The following RYR2 variants were observed in gnomAD, a reference collection of about 807,000 sequenced individuals.
RYR2 encodes the protein ryanodine receptor 2.
Under a neutral mutation model 601.1 loss-of-function variants are expected in RYR2, and 227 were observed. The ratio of observed to expected loss-of-function variants is 0.38; its 90% CI spans 0.34 to 0.42. RYR2 has a LOEUF of 0.42. Ranked by LOEUF, RYR2 falls within the 10% of genes least tolerant of loss-of-function variation. The pLI, the probability that RYR2 is intolerant of heterozygous loss-of-function variation, is 1.00. For synonymous variants in RYR2, 2,223 were observed against 2,175.1 expected, an observed-to-expected ratio of 1.02 and a Z score of -0.61; for missense variants, 4,646 against 6,156.5, an observed-to-expected ratio of 0.75 and a Z score of 8.21.
At chr1:237,527,981 C>CT (rs1345550647) in intron 24 of RYR2, among the ~76,000 whole-genome samples, 1 of 152,154 alleles carries the variant, frequency 6.6e-6, no homozygotes, top group East Asian at 1.9e-4. Flanking sequence ...GCTGTATAGG[C>CT]TGCCTACCTG....
At chr1:237,829,716 T>C (rs1663562900) in intron 102 of RYR2, among the ~76,000 whole-genome samples, 1 of 152,154 alleles carries the variant, frequency 6.6e-6, no homozygotes, top group South Asian at 2.1e-4. Flanking sequence ...TTGATTGTAG[T>C]TCCTAAAATA....
chr1:237,483,008 G>T (rs1662285830), intron 17 of RYR2, among the ~76,000 whole-genome samples: 1 of 152,068 alleles, frequency 6.6e-6, no homozygotes, highest in South Asian at 2.1e-4. Context: ...AACTTTCTGT[G>T]GTTCTGCCCA....
chr1:237,711,638 A>G, intron 70 of RYR2, 107 bp from the exon 71 acceptor site: 1 of 656,152 alleles, frequency 1.5e-6, no homozygotes, highest in Non-Finnish European at 2.7e-6. Context: ...ATTCTTATAT[A>G]TCAAATTAAT....
At chr1:237,309,228 C>T (rs1445465200) in intron 2 of RYR2, among the ~76,000 whole-genome samples, 1 of 140,958 alleles carries the variant, frequency 7.1e-6, no homozygotes, top group African/African-American at 2.7e-5. Context: ...GTTTACAAAC[C>T]TTGAGCTAGA....
chr1:237,589,036 A>C (rs536003781), intron 29 of RYR2, among the ~76,000 whole-genome samples: 1 of 152,264 alleles, frequency 6.6e-6, no homozygotes, highest in African/African-American at 2.4e-5. Flanking sequence ...ACTCTGACAC[A>C]CATGGGAAGA....
intron 2 of RYR2, among the ~76,000 whole-genome samples, chr1:237,299,891 T>G (rs1693183215): frequency 6.6e-6 from 1 of 152,218 alleles, no homozygotes; most frequent in African/African-American, 2.4e-5. Flanking sequence ...ATCAAAAGTT[T>G]AATCTGGAGT....
intron 2 of RYR2, among the ~76,000 whole-genome samples, chr1:237,288,324 AG>A (rs1453549373): frequency 6.6e-6 from 1 of 152,170 alleles, no homozygotes; most frequent in Non-Finnish European, 1.5e-5. Context: ...AGAGAGCATC[AG>A]CTCTGGTAGT....
At chr1:237,420,879 A>G (rs1705489195) in intron 11 of RYR2, among the ~76,000 whole-genome samples, 1 of 147,006 alleles carries the variant, frequency 6.8e-6, no homozygotes, top group Non-Finnish European at 1.5e-5. Flanking sequence ...TTTCCAAATA[A>G]TGGAAACAAA....
At chr1:237,717,415 A>G (rs1689355533) in intron 72 of RYR2, 47 bp downstream of exon 72, 1 of 1,445,394 alleles carries the variant, frequency 6.9e-7, no homozygotes, top group South Asian at 1.5e-5. Context: ...TGACCTCCAG[A>G]CTCTCAGTGT....
chr1:237,775,083 A>G (rs1377189275), intron 87 of RYR2, among the ~76,000 whole-genome samples: 1 of 150,448 alleles, frequency 6.6e-6, no homozygotes, highest in Non-Finnish European at 1.5e-5. Context: ...ACCAAAAAAA[A>G]AAAAAAAAAA....
chr1:237,594,649 T>C (rs1349346852), intron 33 of RYR2, among the ~76,000 whole-genome samples: 1 of 152,116 alleles, frequency 6.6e-6, no homozygotes, highest in African/African-American at 2.4e-5. Flanking sequence ...GTAGATAGTG[T>C]GAAGAAATGC....
chr1:237,616,138 G>C (rs1678437255), intron 37 of RYR2, among the ~76,000 whole-genome samples: 1 of 152,152 alleles, frequency 6.6e-6, no homozygotes, highest in African/African-American at 2.4e-5. Flanking sequence ...AAAGGAGATG[G>C]AGAAAAGGGG....
Position 237,264,091 on chromosome 1 carries a change from G to GCACACACACACA in RYR2, c.49-6391_49-6380dup, listed in dbSNP as rs34623856. On this transcript the variant is annotated intron_variant, in intron 1 of 104. Coordinates refer to ENST00000366574, the MANE Select transcript of RYR2 (RefSeq NM_001035.3). Reference sequence around the variant, plus strand: ...TAAATGTACAAACACACATGCACATGCACACACACACACACACACACACAC... The same window carrying GCACACACACACA: ...TAAATGTACAAACACACATGCACATGCACACACACACACACACACACACACACACACACACAC... Among the ~76,000 whole-genome samples the GCACACACACACA allele has an allele frequency of 1.7e-3, 251 of 147,512 alleles. 2 individuals are homozygous for GCACACACACACA. The highest frequency in any genetic ancestry group is 5.0e-3 in the South Asian group (23 of 4,562).
intron 16 of RYR2, among the ~76,000 whole-genome samples, chr1:237,458,797 T>C (rs528366158): frequency 1.2e-3 from 185 of 152,306 alleles, no homozygotes; most frequent in Non-Finnish European, 1.0e-3. Flanking sequence ...TCAAAATATT[T>C]GAAAATTCTT....
chr1:237,227,966 C>CT (rs34963620), intron 1 of RYR2, among the ~76,000 whole-genome samples: 196 of 148,554 alleles, frequency 1.3e-3, no homozygotes, highest in Non-Finnish European at 2.0e-3. Flanking sequence ...TTGTTTTTGC[C>CT]TTTTTTTTTT....
At chr1:237,525,581 G>A (rs1331937258) in intron 24 of RYR2, among the ~76,000 whole-genome samples, 1 of 151,958 alleles carries the variant, frequency 6.6e-6, no homozygotes, top group East Asian at 2.0e-4. Context: ...CTCCCAAGTA[G>A]CTGGGATTAC....
intron 1 of RYR2, among the ~76,000 whole-genome samples, chr1:237,218,501 A>G (rs576439469): frequency 1.8e-4 from 28 of 152,274 alleles, no homozygotes; most frequent in African/African-American, 6.5e-4. Flanking sequence ...CCAAGATGCT[A>G]TAGGTTTTCA....
intron 1 of RYR2, among the ~76,000 whole-genome samples, chr1:237,206,119 C>T (rs533517769): frequency 3.0e-4 from 46 of 152,308 alleles, no homozygotes; most frequent in African/African-American, 1.0e-3. Context: ...GGCCAAGTTC[C>T]AGCCTTTCTG....
intron 1 of RYR2, among the ~76,000 whole-genome samples, chr1:237,253,318 C>G (rs1687656653): frequency 6.6e-6 from 1 of 152,194 alleles, no homozygotes; most frequent in African/African-American, 2.4e-5. Flanking sequence ...CTAGACCCCA[C>G]CACTCATGCT....
Sources: allele counts gnomAD v4.1 joint callset (sites outside exome capture counted in the v4.1 genomes callset), GRCh38; gene constraint gnomAD v4.1.1; transcripts MANE v1.5; gene names NCBI Gene and HGNC (gene_info 2026-07-23, HGNC 2026-07-21).